Variants in ZNF442 observed in about 807,000 individuals in gnomAD.
The protein encoded by ZNF442 is zinc finger protein 442.
Under a neutral mutation model 57.0 loss-of-function variants are expected in ZNF442, and 45 were observed. The ratio of observed to expected loss-of-function variants is 0.79; its 90% CI spans 0.62 to 1.01. ZNF442 has a LOEUF of 1.01. ZNF442 is among the 50% of genes least tolerant of loss of function. The probability of loss-of-function intolerance (pLI) is 0.00; values close to 1 mark genes in which losing one functional copy is unlikely to be tolerated. For missense variants in ZNF442, 690 were observed against 756.5 expected (o/e 0.91, Z 1.03); for synonymous variants, 213 against 241.8 (o/e 0.88, Z 1.10).
intron 3 of ZNF442, among the ~76,000 whole-genome samples, chr19:12,357,747 G>A (rs1969357528): frequency 6.6e-6 from 1 of 151,900 alleles, no homozygotes; most frequent in Non-Finnish European, 1.5e-5. Context: ...ATATTCACGG[G>A]GTACAGGTCT....
the ZNF442 span, chr19:12,373,592 G>T: frequency 9.7e-6 from 2 of 206,270 alleles, no homozygotes; most frequent in South Asian, 7.8e-5. Context: ...TGGGTCACCA[G>T]CTGTACTGGA....
chr19:12,358,299 G>C (rs1011154249), intron 3 of ZNF442, among the ~76,000 whole-genome samples: 38 of 152,114 alleles, frequency 2.5e-4, no homozygotes, highest in African/African-American at 9.2e-4. Context: ...TGTGGTATTT[G>C]TCTTTCTGTG....
Position 12,363,570 on chromosome 19 carries a change from T to G in ZNF442, c.62A>C (p.Glu21Ala). The G allele has an allele frequency of 1.2e-6, 2 of 1,614,212 alleles. No homozygotes were observed. The highest frequency in any genetic ancestry group is 1.7e-6 in the Non-Finnish European group (2 of 1,180,028). ...DLFLPDSQTNEERKQYDSVAF... is the reference protein window; with the variant it reads ...DLFLPDSQTNAERKQYDSVAF... ...AGTGCTTACATATTGTTTTCTCTCT[T>G]CATTAGTCTGAGAGTCAGGAAGGAA... The change falls in exon 3 of 6, where the codon GAA becomes GCA. Residue 21 changes from glutamate (E) to alanine (A), a missense_variant. Glu to Ala is a moderately radical substitution (Grantham distance 107). Coordinates refer to ENST00000242804, the MANE Select transcript of ZNF442 (RefSeq NM_030824.3).
At position 12,350,888 on chromosome 19, in the gene ZNF442, CA is replaced by C; in HGVS notation, c.696del (p.Gly233GlufsTer21). The C allele has an allele frequency of 6.2e-7, 1 of 1,614,134 alleles. No individual in the cohort carries two copies. The highest frequency in any genetic ancestry group is 8.5e-7 in the Non-Finnish European group (1 of 1,180,014). On this transcript the variant is annotated frameshift_variant, in exon 6 of 6. Coordinates refer to ENST00000242804, the MANE Select transcript of ZNF442 (RefSeq NM_030824.3). LOFTEE classifies it high-confidence loss of function. ...SLFRMHERTH[T>X]GEKPYECKQC... ...TGCTTACATTCATACGGTTTCTCTC[CA>C]GTGTGAGTTCTTTCATGCATACGAA...
chr19:12,364,418 A>AAAAAAAAAAAAAAAG (rs1555756631), intron 2 of ZNF442, among the ~76,000 whole-genome samples: 1 of 151,744 alleles, frequency 6.6e-6, no homozygotes, highest in African/African-American at 2.4e-5. Flanking sequence ...AAAAAAAAAA[A>AAAAAAAAAAAAAAAG]AAAGAAAGAA....
intron 5 of ZNF442, 182 bp downstream of exon 5, chr19:12,351,828 A>G (rs2144814414): frequency 1.9e-6 from 1 of 537,600 alleles, no homozygotes; most frequent in East Asian, 3.1e-5. Context: ...TTTCTAAGGG[A>G]ACTATTTTTG....
the ZNF442 span, among the ~76,000 whole-genome samples, chr19:12,373,316 G>A: frequency 2.0e-5 from 3 of 152,152 alleles, no homozygotes; most frequent in East Asian, 5.8e-4. Flanking sequence ...ACAGTGGGTG[G>A]ATTGCTTGAG....
the ZNF442 span, among the ~76,000 whole-genome samples, chr19:12,372,813 G>A: frequency 2.6e-5 from 4 of 152,138 alleles, no homozygotes; most frequent in African/African-American, 9.7e-5. Context: ...TCACTCTGTC[G>A]CCCAGGATAG....
intron 1 of ZNF442, 96 bp downstream of exon 1, chr19:12,365,437 T>G: frequency 3.2e-6 from 1 of 311,014 alleles, no homozygotes; most frequent in Non-Finnish European, 6.3e-6. Context: ...GACCCCGCAG[T>G]CGCCGCGGGG....
chr19:12,351,626 C>T (rs192696612), intron 5 of ZNF442, among the ~76,000 whole-genome samples: 7 of 152,274 alleles, frequency 4.6e-5, no homozygotes, highest in South Asian at 2.1e-4. Context: ...CTGCCTCAGC[C>T]GCCCGAGTAA....
At chr19:12,360,141 A>G (rs2144835563) in intron 3 of ZNF442, among the ~76,000 whole-genome samples, 1 of 151,808 alleles carries the variant, frequency 6.6e-6, no homozygotes, top group South Asian at 2.1e-4. Flanking sequence ...ACTGAGTTTC[A>G]CTCTTGTGAG....
In ZNF442 at chr19:12,365,618, G is replaced by A. The variant is rs1405937529; in HGVS notation, c.-568C>T. ...ACTCAGCGTGACAGTGCCTGCCACT[G>A]ACCTGCCAGGGCTTCTCTCAGCTAC... is the stretch of plus-strand genomic sequence containing the variant. On this transcript the variant is annotated 5_prime_UTR_variant, in exon 1 of 6. Coordinates refer to ENST00000242804, the MANE Select transcript of ZNF442 (RefSeq NM_030824.3). 1.3e-5 allele frequency: 4 copies of A among 300,322 alleles called. No homozygotes were observed. Among genetic ancestry groups the A allele is most frequent in the Non-Finnish European group, 2.0e-5 (3 of 152,202 alleles). The allele number at this position is 300,322 out of a possible 1,614,324, so 18.6% of individuals were successfully genotyped here. A position where few individuals can be genotyped will look rare whatever the true frequency, so the allele number is the denominator to read the frequency against.
At chr19:12,368,186 A>C (rs1335935970), upstream of ZNF442, among the ~76,000 whole-genome samples, 1 of 152,178 alleles carries the variant, frequency 6.6e-6, no homozygotes, top group Non-Finnish European at 1.5e-5. Context: ...ATTCAAATAC[A>C]AATGTTTTAC....
rs781174917 is a variant in ZNF442, at chr19:12,349,697, A to C, written c.*4T>G. On this transcript the variant is annotated 3_prime_UTR_variant, in exon 6 of 6. Coordinates refer to ENST00000242804, the MANE Select transcript of ZNF442 (RefSeq NM_030824.3). ...AAATAAAATTAATGAATGCTTTTCC[A>C]CATTTATAGAGTATCTCTCCAGTGA... is the stretch of plus-strand genomic sequence containing the variant. 5.3e-5 allele frequency: 83 copies of C among 1,571,744 alleles called. No homozygotes were observed. The South Asian group carries it at 9.4e-4, about 18-fold the overall frequency.
the ZNF442 span, among the ~76,000 whole-genome samples, chr19:12,372,014 A>T: frequency 6.6e-6 from 1 of 152,246 alleles, no homozygotes; most frequent in Admixed American, 6.5e-5. Context: ...CAGACAACCT[A>T]CAAAATAGGA....
At position 12,347,945 on chromosome 19, in the gene ZNF442, G is replaced by A. The variant is rs1166112707; in HGVS notation, c.*1756C>T. 1 of 152,182 alleles carries A rather than the reference G, an allele frequency of 6.6e-6. No individual in the cohort carries two copies. Among genetic ancestry groups the A allele is most frequent in the African/African-American group, 2.4e-5 (1 of 41,434 alleles). The allele number at this position is 152,182 out of a possible 1,614,324, so 9.4% of individuals were successfully genotyped here. ...ATTCTCTGCAGATAATGATGATAAT[G>A]ATGATGCAGAAGACTTAGAAGAGGT... On this transcript the variant is annotated 3_prime_UTR_variant, in exon 6 of 6. Coordinates refer to ENST00000242804, the MANE Select transcript of ZNF442 (RefSeq NM_030824.3).
At chr19:12,363,161 A>AAC (rs1397156039) in intron 3 of ZNF442, among the ~76,000 whole-genome samples, 5 of 149,328 alleles carry the variant, frequency 3.3e-5, no homozygotes, top group Non-Finnish European at 7.4e-5. Flanking sequence ...TCCGTCTCAA[A>AAC]AAAAAAAAAA....
chr19:12,350,387 T>C lies in ZNF442; in HGVS notation c.1198A>G (p.Thr400Ala), dbSNP rs202218648. 1.9e-6 allele frequency: 3 copies of C among 1,613,986 alleles called. No individual in the cohort carries two copies. Among genetic ancestry groups the C allele is most frequent in the Admixed American group, 3.3e-5 (2 of 60,008 alleles). The change falls in exon 6 of 6, where the codon ACT (threonine) becomes GCT (alanine). Residue 400 changes from threonine to alanine, a missense_variant. Coordinates refer to ENST00000242804, the MANE Select transcript of ZNF442 (RefSeq NM_030824.3). The part of the protein sequence containing the change: ...SSFRSHMIMH[T>A]GDGPHKCKVC... ...TTGCATTTGTGAGGTCCATCTCCAG[T>C]GTGCATTATCATATGACTTCGAAAG...
chr19:12,356,966 C>CA (rs1415333261), intron 3 of ZNF442, among the ~76,000 whole-genome samples: 1 of 151,848 alleles, frequency 6.6e-6, no homozygotes, highest in Non-Finnish European at 1.5e-5. Context: ...CACTTAGGGA[C>CA]AAAAAAAGAA....
Sources: allele counts gnomAD v4.1 joint callset (sites outside exome capture counted in the v4.1 genomes callset), GRCh38; gene constraint gnomAD v4.1.1; transcripts MANE v1.5; gene names NCBI Gene and HGNC (gene_info 2026-07-23, HGNC 2026-07-21).